The following DAPL1 variants were observed in gnomAD, a reference collection of about 807,000 sequenced individuals.
The protein encoded by DAPL1 is death associated protein like 1.
Under a neutral mutation model 12.9 loss-of-function variants are expected in DAPL1, and 17 were observed. That is an observed-to-expected ratio of 1.32 (90% CI 0.90 to 1.98). DAPL1 has a LOEUF of 1.98. Among genes scored for constraint, DAPL1 ranks in the 30% most tolerant of loss-of-function variants. The pLI, the probability that DAPL1 is intolerant of heterozygous loss-of-function variation, is 0.00. For synonymous variants in DAPL1, 51 were observed against 42.0 expected (o/e 1.21, Z -0.82); for missense variants, 157 against 125.7 (o/e 1.25, Z -1.19).
chr2:158,815,872 G>C lies in DAPL1; in HGVS notation c.*51G>C. 2 of 1,376,184 alleles carry C rather than the reference G, an allele frequency of 1.5e-6. No homozygotes were observed. The highest frequency in any genetic ancestry group is 2.8e-5 in the African/African-American group (2 of 70,440). The allele number at this position is 1,376,184 out of a possible 1,614,324, so 85.2% of individuals were successfully genotyped here. On this transcript the variant is annotated 3_prime_UTR_variant, in exon 4 of 4. Transcript: ENST00000309950. ...GGCCAGCTGCCTCGAATATCTGACA[G>C]CTTAGCAAAAAGGGCCAAAGCTTTC...
chr2:158,803,860 GA>G (rs575488097), intron 1 of DAPL1, among the ~76,000 whole-genome samples: 1 of 150,790 alleles, frequency 6.6e-6, no homozygotes, highest in South Asian at 2.1e-4. Flanking sequence ...GCTTTGGTTG[GA>G]AAAAAAAATG....
chr2:158,813,343 A>G (rs2059242070), intron 3 of DAPL1, among the ~76,000 whole-genome samples: 1 of 152,174 alleles, frequency 6.6e-6, no homozygotes, highest in Non-Finnish European at 1.5e-5. Flanking sequence ...GAATGTATTT[A>G]GCACCACTGG....
intron 3 of DAPL1, among the ~76,000 whole-genome samples, chr2:158,813,724 T>C (rs2059244774): frequency 6.6e-6 from 1 of 152,048 alleles, no homozygotes; most frequent in African/African-American, 2.4e-5. Context: ...CCCGGCTAAT[T>C]TTTCATATTT....
At chr2:158,802,417 A>G (rs1003630555) in intron 1 of DAPL1, among the ~76,000 whole-genome samples, 2 of 152,236 alleles carry the variant, frequency 1.3e-5, no homozygotes, top group African/African-American at 4.8e-5. Context: ...CATGATGCTA[A>G]GATGTTTACA....
At chr2:158,804,477 A>T in intron 2 of DAPL1, 108 bp downstream of exon 2, 1 of 701,922 alleles carries the variant, frequency 1.4e-6, no homozygotes, top group Non-Finnish European at 2.3e-6. Context: ...GGAGGCAGCC[A>T]GAGAAGGGGG....
chr2:158,812,715 A>T (rs1050785861), intron 3 of DAPL1, among the ~76,000 whole-genome samples: 1 of 151,108 alleles, frequency 6.6e-6, no homozygotes, highest in African/African-American at 2.4e-5. Context: ...GGACCACTTG[A>T]GCCCGGGAGT....
intron 3 of DAPL1, among the ~76,000 whole-genome samples, chr2:158,813,699 T>A (rs13004210): frequency 0.057 from 8,621 of 151,554 alleles, 784 homozygotes; most frequent in African/African-American, 0.2. Flanking sequence ...GGGACTACAG[T>A]CGCTCGCCAC....
At chr2:158,804,929 TC>T (rs2059192210) in intron 2 of DAPL1, among the ~76,000 whole-genome samples, 1 of 152,152 alleles carries the variant, frequency 6.6e-6, no homozygotes, top group South Asian at 2.1e-4. Flanking sequence ...TTCTCAGAAC[TC>T]AGCAGAGAGC....
In DAPL1 at chr2:158,815,843, G is replaced by C. The variant is rs760420742; in HGVS notation, c.*22G>C. ...TTAAGCCTGGATTTAAAACACAGCCGTCTGGCCAGCTGCCTCGAATATCTG... is the reference window on the plus strand; with the variant it reads ...TTAAGCCTGGATTTAAAACACAGCCCTCTGGCCAGCTGCCTCGAATATCTG... On this transcript the variant is annotated 3_prime_UTR_variant, in exon 4 of 4. Coordinates refer to ENST00000309950, the MANE Select transcript of DAPL1 (RefSeq NM_001017920.3). 1.3e-6 allele frequency: 2 copies of C among 1,543,576 alleles called. No homozygotes were observed. Among genetic ancestry groups the C allele is most frequent in the Non-Finnish European group, 1.8e-6 (2 of 1,115,572 alleles).
chr2:158,815,910 G>T lies in DAPL1; in HGVS notation c.*89G>T. On this transcript the variant is annotated 3_prime_UTR_variant, in exon 4 of 4. Coordinates refer to ENST00000309950, the MANE Select transcript of DAPL1 (RefSeq NM_001017920.3). ...GGCCAAAGCTTTCCATAGGCGTGCT[G>T]CACTTGCTTGGTAAATTAAGCAGCT... is the stretch of plus-strand genomic sequence containing the variant. 2.3e-6 allele frequency: 2 copies of T among 881,986 alleles called. No homozygotes were observed. Among genetic ancestry groups the T allele is most frequent in the Middle Eastern group, 2.2e-4 (1 of 4,560 alleles). The allele number at this position is 881,986 out of a possible 1,614,324, so 54.6% of individuals were successfully genotyped here.
intron 3 of DAPL1, among the ~76,000 whole-genome samples, chr2:158,809,357 C>CAAAAAAAAAAAAAAAAAG (rs10526986): frequency 1.4e-5 from 1 of 69,528 alleles, no homozygotes; most frequent in African/African-American, 5.4e-5. Flanking sequence ...GACTCCATCT[C>CAAAAAAAAAAAAAAAAAG]AAAAAAAAAA....
At chr2:158,812,724 G>A (rs1322264273) in intron 3 of DAPL1, among the ~76,000 whole-genome samples, 3 of 149,656 alleles carry the variant, frequency 2.0e-5, no homozygotes, top group African/African-American at 4.9e-5. Context: ...GAGCCCGGGA[G>A]TTCAATGTTG....
At chr2:158,806,477 A>G (rs1424225438) in intron 2 of DAPL1, among the ~76,000 whole-genome samples, 1 of 152,140 alleles carries the variant, frequency 6.6e-6, no homozygotes, top group Admixed American at 6.5e-5. Context: ...TTTCAATTTT[A>G]TTCAATCTAT....
chr2:158,802,513 T>A (rs1327850875), intron 1 of DAPL1, among the ~76,000 whole-genome samples: 1 of 152,206 alleles, frequency 6.6e-6, no homozygotes, highest in Admixed American at 6.5e-5. Context: ...ATAATGATAA[T>A]GCTTTCAAGA....
intron 3 of DAPL1, 97 bp from the exon 4 acceptor site, chr2:158,815,608 A>G: frequency 1.3e-6 from 1 of 798,008 alleles, no homozygotes; most frequent in Non-Finnish European, 2.2e-6. Context: ...CAAAATTGTG[A>G]GATTCCCTTG....
chr2:158,804,125 A>AAT (rs200987154), intron 1 of DAPL1, among the ~76,000 whole-genome samples, 157 bp from the exon 2 acceptor site: 1 of 134,720 alleles, frequency 7.4e-6, no homozygotes, highest in East Asian at 2.2e-4. Context: ...TTGCCAATAA[A>AAT]ATATATATAT....
intron 3 of DAPL1, among the ~76,000 whole-genome samples, chr2:158,814,508 A>C (rs2059249707): frequency 6.6e-6 from 1 of 152,256 alleles, no homozygotes; most frequent in Non-Finnish European, 1.5e-5. Context: ...TCTATCCCCC[A>C]GAGGTAACCA....
At chr2:158,801,453 C>T (rs746789033) in intron 1 of DAPL1, among the ~76,000 whole-genome samples, 1 of 152,164 alleles carries the variant, frequency 6.6e-6, no homozygotes, top group Non-Finnish European at 1.5e-5. Context: ...GGAAAAAGCC[C>T]ATCCCTTGAT....
At chr2:158,806,245 A>T (rs1308339358) in intron 2 of DAPL1, among the ~76,000 whole-genome samples, 1 of 141,752 alleles carries the variant, frequency 7.1e-6, no homozygotes, top group African/African-American at 2.5e-5. Context: ...GAAAAAAAAA[A>T]ATATGCCAAG....
Sources: allele counts gnomAD v4.1 joint callset (sites outside exome capture counted in the v4.1 genomes callset), GRCh38; gene constraint gnomAD v4.1.1; transcripts MANE v1.5; gene names NCBI Gene and HGNC (gene_info 2026-07-23, HGNC 2026-07-21).